The following FTO variants were observed in gnomAD, a reference collection of about 807,000 sequenced individuals.
The protein encoded by FTO is alpha-ketoglutarate-dependent dioxygenase FTO.
Under a neutral mutation model 63.9 loss-of-function variants are expected in FTO, and 47 were observed. The observed-to-expected ratio is 0.74, with a 90% CI of 0.58 to 0.94. The LOEUF is 0.94. FTO is among the 40% of genes least tolerant of loss of function. The probability of loss-of-function intolerance (pLI) is 0.00; values close to 1 mark genes in which losing one functional copy is unlikely to be tolerated. For synonymous variants in FTO, 207 were observed against 224.4 expected (o/e 0.92, Z 0.69); for missense variants, 562 against 618.1 (o/e 0.91, Z 0.96).
At chr16:54,032,914 A>T (rs1371329143) in intron 8 of FTO, among the ~76,000 whole-genome samples, 2 of 151,816 alleles carry the variant, frequency 1.3e-5, no homozygotes, top group Non-Finnish European at 2.9e-5. Context: ...CCTCCACTCG[A>T]TCTCTCTTGT....
intron 8 of FTO, among the ~76,000 whole-genome samples, chr16:53,950,179 A>AAC (rs201710707): frequency 6.9e-6 from 1 of 145,876 alleles, no homozygotes; most frequent in African/African-American, 2.5e-5. Context: ...AAAAAAAAAA[A>AAC]CTTAATCCAT....
chr16:54,006,678 A>C (rs1303198532), intron 8 of FTO, among the ~76,000 whole-genome samples: 5 of 152,246 alleles, frequency 3.3e-5, no homozygotes, highest in Non-Finnish European at 5.9e-5. Context: ...CTAGTAGATA[A>C]AGAGAGAGCT....
rs1367367888 is a variant in FTO at position 53,912,636 on chromosome 16, CTCT to C, written c.1240-21344_1240-21342del. 5.9e-5 allele frequency among the ~76,000 whole-genome samples: 9 copies of C among 152,220 alleles called. No homozygotes were observed. In the East Asian group the frequency reaches 1.7e-3, roughly 29 times the overall value. On this transcript the variant is annotated intron_variant, in intron 7 of 8. Coordinates refer to ENST00000471389, the MANE Select transcript of FTO (RefSeq NM_001080432.3). ...GCATGGGGAATGTTGAGGTTGGAGCCTCTTCTTAATGGGGATTTTGAGAACCAG... is the reference window on the plus strand; with the variant it reads ...GCATGGGGAATGTTGAGGTTGGAGCCTCTTAATGGGGATTTTGAGAACCAG...
At chr16:54,074,453 A>T (rs2085938959) in intron 8 of FTO, among the ~76,000 whole-genome samples, 1 of 152,190 alleles carries the variant, frequency 6.6e-6, no homozygotes, top group Admixed American at 6.5e-5. Context: ...ACTTGTATAT[A>T]TACTTTTTAA....
At chr16:53,802,348 GT>G (rs1377107585) in intron 1 of FTO, among the ~76,000 whole-genome samples, 1 of 151,610 alleles carries the variant, frequency 6.6e-6, no homozygotes, top group Admixed American at 6.6e-5. Context: ...GTCTGCACAT[GT>G]TTGGTATAGC....
intron 1 of FTO, among the ~76,000 whole-genome samples, chr16:53,727,679 T>C (rs866876689): frequency 6.6e-6 from 1 of 152,144 alleles, no homozygotes; most frequent in Non-Finnish European, 1.5e-5. Context: ...GCTTCTAACA[T>C]TGTGCAGTGG....
At chr16:53,781,953 G>A (rs8054237) in intron 1 of FTO, among the ~76,000 whole-genome samples, 12,727 of 152,106 alleles carry the variant, frequency 0.084, 1,755 homozygotes, top group African/African-American at 0.29. Context: ...CTTTGTTTAT[G>A]TAATGGGGAT....
chr16:54,099,554 G>A (rs765767135), intron 8 of FTO, among the ~76,000 whole-genome samples: 2 of 152,088 alleles, frequency 1.3e-5, no homozygotes, highest in African/African-American at 2.4e-5. Flanking sequence ...TGCAAGTTTC[G>A]GGTGACCCTA....
rs1165016354 is a variant in FTO, at chr16:54,105,467, C to G, written c.1365-6295C>G. On this transcript the variant is annotated intron_variant, in intron 8 of 8. Transcript: ENST00000471389. ...TGAAAAGGGCAGCCAGCCAGATGTCCAGGGGTCTGACCCGCCCTGGCTCAC... is the reference window on the plus strand; with the variant it reads ...TGAAAAGGGCAGCCAGCCAGATGTCGAGGGGTCTGACCCGCCCTGGCTCAC... Among the ~76,000 whole-genome samples the G allele has an allele frequency of 1.3e-5, 2 of 152,134 alleles. 1 individual carries two copies. Among genetic ancestry groups the G allele is most frequent in the Non-Finnish European group, 2.9e-5 (2 of 68,022 alleles).
At chr16:53,985,705 G>A (rs556849286) in intron 8 of FTO, among the ~76,000 whole-genome samples, 1 of 152,270 alleles carries the variant, frequency 6.6e-6, no homozygotes, top group East Asian at 1.9e-4. Context: ...CAAATCCGCT[G>A]TCAGTTCTCC....
intron 4 of FTO, among the ~76,000 whole-genome samples, chr16:53,864,534 G>A (rs1280748919): frequency 6.6e-6 from 1 of 152,164 alleles, no homozygotes; most frequent in Non-Finnish European, 1.5e-5. Flanking sequence ...TACAGTGAAT[G>A]TCCAGAGCTC....
intron 1 of FTO, among the ~76,000 whole-genome samples, chr16:53,714,795 C>T (rs989455080): frequency 5.3e-5 from 8 of 152,090 alleles, no homozygotes; most frequent in Admixed American, 3.3e-4. Flanking sequence ...CACAGCCAGG[C>T]AGAGGAGTTG....
At chr16:54,090,108 T>C (rs2086349400) in intron 8 of FTO, among the ~76,000 whole-genome samples, 1 of 152,220 alleles carries the variant, frequency 6.6e-6, no homozygotes, top group Admixed American at 6.5e-5. Context: ...TTATTCACAG[T>C]GTTCTAAAGG....
intron 4 of FTO, among the ~76,000 whole-genome samples, chr16:53,873,480 A>C (rs534337601): frequency 6.7e-6 from 1 of 149,442 alleles, no homozygotes; most frequent in African/African-American, 2.4e-5. Flanking sequence ...ATACTTGCAT[A>C]TGTATAAGTA....
At chr16:53,893,618 C>T (rs748604447) in intron 7 of FTO, among the ~76,000 whole-genome samples, 2 of 151,244 alleles carry the variant, frequency 1.3e-5, no homozygotes, top group African/African-American at 2.4e-5. Context: ...ATGCTAGGTG[C>T]GAAATCCTCT....
At chr16:54,103,828 A>G (rs1159661039) in intron 8 of FTO, among the ~76,000 whole-genome samples, 1 of 152,178 alleles carries the variant, frequency 6.6e-6, no homozygotes, top group African/African-American at 2.4e-5. Context: ...ATTATTATAA[A>G]CTAGACTGCA....
At chr16:53,772,444 C>A (rs780262497) in intron 1 of FTO, among the ~76,000 whole-genome samples, 2 of 152,124 alleles carry the variant, frequency 1.3e-5, no homozygotes, top group Non-Finnish European at 2.9e-5. Context: ...TCATGGCCTG[C>A]TGGCGTTCTC....
chr16:53,873,270 A>G (rs915042504), intron 4 of FTO, among the ~76,000 whole-genome samples: 1 of 152,130 alleles, frequency 6.6e-6, no homozygotes, highest in Non-Finnish European at 1.5e-5. Flanking sequence ...AGTGAATTTT[A>G]TAGTGGGTGG....
At chr16:53,704,669 T>G (rs74018187) in intron 1 of FTO, among the ~76,000 whole-genome samples, 1,819 of 152,308 alleles carry the variant, frequency 0.012, 20 homozygotes, top group Middle Eastern at 0.068. Flanking sequence ...GATAACAGTT[T>G]GTGTCTTTTA....
Sources: allele counts gnomAD v4.1 joint callset (sites outside exome capture counted in the v4.1 genomes callset), GRCh38; gene constraint gnomAD v4.1.1; transcripts MANE v1.5; gene names NCBI Gene and HGNC (gene_info 2026-07-23, HGNC 2026-07-21).